The following BAG6 variants were observed in gnomAD, a reference collection of about 807,000 sequenced individuals.
The protein encoded by BAG6 is large proline-rich protein BAG6.
BAG6 carries 22 observed loss-of-function variants against 121.0 expected under a neutral mutation model. The observed-to-expected ratio is 0.18, with a 90% CI of 0.13 to 0.26. The LOEUF (loss-of-function observed/expected upper bound fraction) is 0.26. BAG6 is among the 10% of genes least tolerant of loss of function. The probability of loss-of-function intolerance (pLI) is 1.00; values close to 1 mark genes in which losing one functional copy is unlikely to be tolerated. For missense variants in BAG6, 1,233 were observed against 1,537.7 expected (o/e 0.80, Z 3.31); for synonymous variants, 583 against 584.6 (o/e 1.00, Z 0.04).
chr6:31,639,242 AAGC>A lies in BAG6; in HGVS notation c.3394-19_3394-17del, dbSNP rs1217918883. The A allele has an allele frequency of 5.6e-6, 9 of 1,609,372 alleles. No individual in the cohort carries two copies. The highest frequency in any genetic ancestry group is 7.6e-6 in the Non-Finnish European group (9 of 1,177,260). ...CAGACCGGAGCTAAAGAGAAAAAGT[AAGC>A]AGGTTGGAGAAACGCTGGCCAAGTC... On this transcript the variant is annotated splice_polypyrimidine_tract_variant and intron_variant, in intron 25 of 25. Transcript: ENST00000676615.
At chr6:31,652,056 G>A (rs1298261553) in intron 1 of BAG6, 6 of 336,622 alleles carry the variant, frequency 1.8e-5, no homozygotes, top group Non-Finnish European at 3.4e-5. Flanking sequence ...AAGGAAGCAC[G>A]AGACCAGAGA....
chr6:31,639,466 ACTAGACCATCCCT>A (rs1468277212), intron 25 of BAG6, 21 bp downstream of exon 25: 2 of 1,598,400 alleles, frequency 1.3e-6, no homozygotes, highest in African/African-American at 2.7e-5. Context: ...AACCCCTCCC[ACTAGACCATCCCT>A]ATTCTGCTTC....
chr6:31,650,215 G>A (rs964847226), intron 2 of BAG6, among the ~76,000 whole-genome samples: 2 of 151,776 alleles, frequency 1.3e-5, no homozygotes, highest in East Asian at 3.9e-4. Flanking sequence ...TGGCATCCAA[G>A]GGAGTATGTG....
intron 4 of BAG6, 108 bp downstream of exon 4, chr6:31,649,091 G>C: frequency 6.6e-7 from 1 of 1,514,560 alleles, no homozygotes; most frequent in Non-Finnish European, 9.0e-7. Context: ...ACACCACAGG[G>C]CCCCCTGAAC....
intron 8 of BAG6, among the ~76,000 whole-genome samples, chr6:31,645,984 TTTTTG>T (rs944368518): frequency 2.6e-5 from 4 of 152,174 alleles, no homozygotes; most frequent in Admixed American, 1.3e-4. Flanking sequence ...AATGTGTGTT[TTTTTG>T]TTTTGTTTTG....
At chr6:31,639,322 C>A in intron 25 of BAG6, 96 bp from the exon 26 acceptor site, 3 of 1,456,534 alleles carry the variant, frequency 2.1e-6, no homozygotes, top group South Asian at 2.4e-5. Flanking sequence ...TAACATTTCC[C>A]CCCCCAAGCA....
At position 31,651,660 on chromosome 6, in the gene BAG6, G is replaced by A. The variant is rs999881786; in HGVS notation, c.104C>T (p.Ala35Val). 1 of 1,612,936 alleles carries A rather than the reference G, an allele frequency of 6.2e-7. No individual in the cohort carries two copies. The highest frequency in any genetic ancestry group is 1.1e-5 in the South Asian group (1 of 91,078). ...AGAACTAGTGAGGTGTCTCACCTGG[G>A]CCCCCACAATAAAGGTACGAGTTTG... ...DSQTRTFIVG[A>V]QMNVKEFKEH... The change falls in exon 2 of 26, where the codon GCC becomes GTC. Residue 35 changes from alanine (A) to valine (V), a missense_variant. Ala to Val is a moderately conservative substitution (Grantham distance 64). Transcript: ENST00000676615.
In BAG6 at chr6:31,643,961, C is replaced by G; in HGVS notation, c.1685G>C (p.Gly562Ala). 6.2e-7 allele frequency: 1 copy of G among 1,614,006 alleles called. No individual in the cohort carries two copies. The highest frequency in any genetic ancestry group is 1.3e-5 in the African/African-American group (1 of 75,032). ...VSGTLQGAGL[G>A]TNASLAQMVS... ...CATCTGGGCCAACGAGGCATTGGTA[C>G]CCAGACCGGCGCCCTGCTGGATAGA... Residue 562 changes from glycine to alanine, a missense_variant, in exon 14 of 26, where the codon GGT becomes GCT. Transcript: ENST00000676615.
Position 31,644,540 on chromosome 6 carries a change from G to C in BAG6, c.1432C>G (p.His478Asp). The change falls in exon 11 of 26, where the codon CAT becomes GAT. Residue 478 changes from histidine to aspartate, a missense_variant. Physicochemically the swap from His to Asp is moderately conservative, Grantham distance 81. Transcript: ENST00000676615. The surrounding 1 kb of genome is among the most constrained non-coding windows in gnomAD (Gnocchi z 4.9). ...APTGPLGPPG[H>D]GQTLGSTLIQ... ...TCACTCTTACCCAGGGTTTGGCCATGACCAGGGGGTCCCAGGGGGCCAGTG... is the reference window on the plus strand; with the variant it reads ...TCACTCTTACCCAGGGTTTGGCCATCACCAGGGGGTCCCAGGGGGCCAGTG... The C allele has an allele frequency of 1.2e-6, 2 of 1,611,462 alleles. No homozygotes were observed. The highest frequency in any genetic ancestry group is 1.7e-6 in the Non-Finnish European group (2 of 1,179,196).
chr6:31,640,167 G>C lies in BAG6; in HGVS notation c.3246+32C>G. 3 of 1,583,260 alleles carry C rather than the reference G, an allele frequency of 1.9e-6. No homozygotes were observed. The highest frequency in any genetic ancestry group is 2.4e-5 in the East Asian group (1 of 40,952). On this transcript the variant is annotated intron_variant, in intron 24 of 25. Coordinates refer to ENST00000676615, the MANE Select transcript of BAG6 (RefSeq NM_001387994.1). This position sits in a 1 kb window ranked among gnomAD's most constrained non-coding sequence, Gnocchi z 4.2. ...CAGGCATGACGGGGAAACCTGGATA[G>C]AGAGAGAGGCTTAGGGAAGAGGAAA... is the stretch of plus-strand genomic sequence containing the variant.
chr6:31,646,347 G>C, intron 8 of BAG6, 47 bp downstream of exon 8: 1 of 1,591,588 alleles, frequency 6.3e-7, no homozygotes, highest in Non-Finnish European at 8.6e-7. Flanking sequence ...TTCTGTTTTG[G>C]GAGTACTGGG....
intron 15 of BAG6, 41 bp downstream of exon 15, chr6:31,642,788 G>C: frequency 6.2e-7 from 1 of 1,600,178 alleles, no homozygotes; most frequent in Admixed American, 1.7e-5. Context: ...GGCTGGGCCG[G>C]GGGACAGGAA....
At chr6:31,649,450 C>T in intron 3 of BAG6, 55 bp from the exon 4 acceptor site, 1 of 1,611,188 alleles carries the variant, frequency 6.2e-7, no homozygotes, top group Non-Finnish European at 8.5e-7. Context: ...AACCCATGGC[C>T]TCAGTTCATC....
chr6:31,641,994 C>T lies in BAG6; in HGVS notation c.2336-49G>A. On this transcript the variant is annotated intron_variant, in intron 16 of 25. Coordinates refer to ENST00000676615, the MANE Select transcript of BAG6 (RefSeq NM_001387994.1). The surrounding 1 kb of genome is among the most constrained non-coding windows in gnomAD (Gnocchi z 5.7). ...GCAATGGCCTTTACCACCTGGCCTG[C>T]CCACCCACAACCAGATCATCAACCT... is the stretch of plus-strand genomic sequence containing the variant. 1 of 1,604,188 alleles carries T rather than the reference C, an allele frequency of 6.2e-7. No individual in the cohort carries two copies.
At chr6:31,652,017 A>G in intron 1 of BAG6, 1 of 463,712 alleles carries the variant, frequency 2.2e-6, no homozygotes. Flanking sequence ...GACGCCAATC[A>G]CAATAAGCAG....
rs1779306652 is a variant in BAG6 at position 31,639,049 on chromosome 6, A to G, written c.*82T>C. 1.6e-6 allele frequency: 2 copies of G among 1,220,100 alleles called. No homozygotes were observed. The highest frequency in any genetic ancestry group is 3.1e-5 in the African/African-American group (2 of 64,804). The allele number at this position is 1,220,100 out of a possible 1,614,324, so 75.6% of individuals were successfully genotyped here. On this transcript the variant is annotated 3_prime_UTR_variant, in exon 26 of 26. Coordinates refer to ENST00000676615, the MANE Select transcript of BAG6 (RefSeq NM_001387994.1). ...AATGTAGAGAGAAAGCAGCCAGAAAAATCCGACTTTTATTTCTTAAATACT... is the reference window on the plus strand; with the variant it reads ...AATGTAGAGAGAAAGCAGCCAGAAAGATCCGACTTTTATTTCTTAAATACT...
chr6:31,649,278 G>A lies in BAG6; in HGVS notation c.344C>T (p.Pro115Leu), dbSNP rs751940443. 137 of 1,612,432 alleles carry A rather than the reference G, an allele frequency of 8.5e-5. No homozygotes were observed. Among genetic ancestry groups the A allele is most frequent in the Non-Finnish European group, 1.1e-4 (127 of 1,179,756 alleles). ...AGAGGCCCCAGGCCCCCGAGTACCA[G>A]GGGGGGATCCCCCACCATGAGTGGC... is the stretch of plus-strand genomic sequence containing the variant. ...ASATHGGGSP[P>L]GTRGPGASVH... Residue 115 changes from proline (P) to leucine (L), a missense_variant, in exon 4 of 26, where the codon CCT becomes CTT. This residue lies in a region of BAG6 where 777 missense variants were observed against 861.4 expected (regional missense o/e 0.90). Coordinates refer to ENST00000676615, the MANE Select transcript of BAG6 (RefSeq NM_001387994.1).
chr6:31,647,463 C>A (rs1791086739), intron 7 of BAG6, 128 bp downstream of exon 7: 1 of 1,377,102 alleles, frequency 7.3e-7, no homozygotes, highest in South Asian at 1.3e-5. Context: ...CCCCTCCTCG[C>A]CCCTCAATGC....
chr6:31,645,288 C>A (rs1475460863), intron 9 of BAG6, 90 bp from the exon 10 acceptor site: 4 of 1,604,448 alleles, frequency 2.5e-6, no homozygotes, highest in Non-Finnish European at 3.4e-6. Flanking sequence ...GTATCTCCAG[C>A]CTTCATCACC....
Sources: allele counts gnomAD v4.1 joint callset (sites outside exome capture counted in the v4.1 genomes callset), GRCh38; gene constraint gnomAD v4.1.1; regional missense constraint gnomAD v4.1.1; non-coding constraint Gnocchi (gnomAD v3.1); transcripts MANE v1.5; gene names NCBI Gene and HGNC (gene_info 2026-07-23, HGNC 2026-07-21).